The following MARCHF8 variants were observed in gnomAD, a reference collection of about 807,000 sequenced individuals.
MARCHF8 encodes the protein membrane associated ring-CH-type finger 8.
MARCHF8 carries 40 observed loss-of-function variants against 51.6 expected under a neutral mutation model. That is an observed-to-expected ratio of 0.77 (90% CI 0.60 to 1.01). The LOEUF (loss-of-function observed/expected upper bound fraction) is 1.01, where lower values mean the gene tolerates loss of function less well. Among genes scored for constraint, MARCHF8 ranks in the 50% least tolerant of loss-of-function variants. MARCHF8 has a pLI of 0.00. For synonymous variants in MARCHF8, 263 were observed against 280.3 expected (o/e 0.94, Z 0.62); for missense variants, 685 against 708.6 (o/e 0.97, Z 0.38).
intron 1 of MARCHF8, among the ~76,000 whole-genome samples, chr10:45,546,406 GC>G (rs778118177): frequency 2.0e-4 from 31 of 151,990 alleles, no homozygotes; most frequent in Non-Finnish European, 2.9e-4. Context: ...CAGGCAATCC[GC>G]CCGCCTTGGC....
At chr10:45,594,827 G>A (rs115891167) in exon 1 of MARCHF8, 2,134 of 152,654 alleles carry the variant, frequency 0.014, 56 homozygotes, top group African/African-American at 0.048. Context: ...GCATGCCCGA[G>A]ACGTGGACGC....
chr10:45,482,713 C>T (rs1211326956), intron 3 of MARCHF8, among the ~76,000 whole-genome samples: 1 of 152,164 alleles, frequency 6.6e-6, no homozygotes, highest in Non-Finnish European at 1.5e-5. Context: ...CTAGATAGTG[C>T]CACTGCACTC....
chr10:45,533,443 TG>T (rs1564506072), intron 1 of MARCHF8, among the ~76,000 whole-genome samples, 154 bp from the exon 2 acceptor site: 2 of 152,204 alleles, frequency 1.3e-5, no homozygotes. Context: ...AGAAGATGAA[TG>T]TCTAAGGGGA....
At chr10:45,498,319 C>G (rs532261853) in intron 2 of MARCHF8, among the ~76,000 whole-genome samples, 4 of 152,230 alleles carry the variant, frequency 2.6e-5, no homozygotes, top group Admixed American at 6.5e-5. Context: ...ATCTTCCTAC[C>G]CCCGAAATAT....
chr10:45,555,636 TG>T (rs1228207033), intron 1 of MARCHF8, among the ~76,000 whole-genome samples: 1 of 150,580 alleles, frequency 6.6e-6, no homozygotes, highest in East Asian at 2.0e-4. Flanking sequence ...CCCAGCTACT[TG>T]GGAGGCTGAG....
chr10:45,543,194 T>A (rs961969054), intron 1 of MARCHF8, among the ~76,000 whole-genome samples: 1 of 152,170 alleles, frequency 6.6e-6, no homozygotes, highest in Non-Finnish European at 1.5e-5. Flanking sequence ...CATAACACCG[T>A]CCTAGTGTTC....
chr10:45,470,530 T>C (rs980408227), intron 3 of MARCHF8, among the ~76,000 whole-genome samples: 1 of 152,196 alleles, frequency 6.6e-6, no homozygotes, highest in Non-Finnish European at 1.5e-5. Flanking sequence ...TCTCCCTTAT[T>C]TTAAGGTCAA....
chr10:45,565,199 G>A (rs190583931), intron 1 of MARCHF8, among the ~76,000 whole-genome samples: 1 of 152,186 alleles, frequency 6.6e-6, no homozygotes, highest in African/African-American at 2.4e-5. Flanking sequence ...AGGAGGCCAA[G>A]GGGGGTGAAT....
chr10:45,538,965 G>T (rs926779796), upstream of MARCHF8, among the ~76,000 whole-genome samples: 1 of 152,146 alleles, frequency 6.6e-6, no homozygotes. Flanking sequence ...GCACCAAGCG[G>T]ACCTAATAGA....
chr10:45,468,298 A>T (rs1289507904), intron 3 of MARCHF8, among the ~76,000 whole-genome samples: 1 of 152,188 alleles, frequency 6.6e-6, no homozygotes, highest in Non-Finnish European at 1.5e-5. Context: ...TCGCTGGAGC[A>T]GCTATAGCAG....
intron 3 of MARCHF8, among the ~76,000 whole-genome samples, chr10:45,471,443 A>C (rs953805834): frequency 6.6e-6 from 1 of 152,250 alleles, no homozygotes; most frequent in Non-Finnish European, 1.5e-5. Context: ...CAGTCCCAGA[A>C]ACTAAAGATG....
At chr10:45,479,459 A>G (rs2042846454) in intron 3 of MARCHF8, among the ~76,000 whole-genome samples, 1 of 152,208 alleles carries the variant, frequency 6.6e-6, no homozygotes, top group South Asian at 2.1e-4. Flanking sequence ...GCCCGCTGAT[A>G]TGATTTGGCT....
intron 7 of MARCHF8, 150 bp from the exon 8 acceptor site, chr10:45,458,693 T>C: frequency 1.2e-6 from 1 of 831,010 alleles, no homozygotes; most frequent in South Asian, 1.9e-5. Context: ...CAGGCTGGAG[T>C]GCAGTGGCTA....
intron 2 of MARCHF8, among the ~76,000 whole-genome samples, chr10:45,523,796 A>G (rs972669299): frequency 1.1e-4 from 17 of 152,166 alleles, no homozygotes; most frequent in African/African-American, 4.1e-4. Context: ...GCACAACCAG[A>G]CAAGACTCTT....
At chr10:45,484,357 G>A (rs1365575836) in intron 3 of MARCHF8, among the ~76,000 whole-genome samples, 2 of 152,140 alleles carry the variant, frequency 1.3e-5, no homozygotes, top group Non-Finnish European at 2.9e-5. Context: ...ATGGCTCGTG[G>A]GCCCACATGG....
chr10:45,515,086 T>C (rs1382147788), intron 2 of MARCHF8, among the ~76,000 whole-genome samples: 3 of 152,250 alleles, frequency 2.0e-5, no homozygotes, highest in East Asian at 1.9e-4. Flanking sequence ...GTCCATCTCA[T>C]TGGTATTCTT....
intron 3 of MARCHF8, among the ~76,000 whole-genome samples, chr10:45,476,311 C>T (rs547924086): frequency 5.9e-5 from 9 of 152,192 alleles, no homozygotes; most frequent in Non-Finnish European, 1.0e-4. Context: ...CACCTGTAAT[C>T]CCAGTACTTT....
chr10:45,573,733 TA>T lies in MARCHF8; in HGVS notation c.-79+20501del, dbSNP rs539375023. On this transcript the variant is annotated intron_variant, in intron 1 of 6. Coordinates refer to the MARCHF8 transcript ENST00000319836. ...CCTGGACCATCACAGATGCTTTAGGTAACTCTTAAAGTGGAGGGTAAGTCCA... is the reference window on the plus strand; with the variant it reads ...CCTGGACCATCACAGATGCTTTAGGTACTCTTAAAGTGGAGGGTAAGTCCA... Among the ~76,000 whole-genome samples the T allele has an allele frequency of 1.7e-3, 261 of 152,264 alleles. 2 individuals are homozygous for T. The highest frequency in any genetic ancestry group is 5.2e-3 in the African/African-American group (216 of 41,538).
intron 1 of MARCHF8, among the ~76,000 whole-genome samples, chr10:45,542,082 A>C (rs1362781653): frequency 6.6e-6 from 1 of 152,200 alleles, no homozygotes. Flanking sequence ...GCAGTGGCTC[A>C]TGCCGGTAAT....
Sources: gnomAD v4.1 joint callset for allele counts (sites outside exome capture counted in the v4.1 genomes callset) on GRCh38, gnomAD v4.1.1 for gene constraint, MANE v1.5 for transcripts, NCBI Gene and HGNC (gene_info 2026-07-23, HGNC 2026-07-21) for gene names.